CCDC122: variants seen among roughly 807,000 people sequenced by gnomAD.
The protein encoded by CCDC122 is coiled-coil domain containing 122, also known as coiled-coil domain-containing protein 122.
In CCDC122, 38 loss-of-function variants were observed where a neutral mutation model predicts 37.0. The ratio of observed to expected loss-of-function variants is 1.03; its 90% CI spans 0.79 to 1.35. CCDC122 has a LOEUF of 1.35. Ranked by LOEUF, CCDC122 falls within the 40% of genes most tolerant of loss-of-function variation. The probability of loss-of-function intolerance (pLI) is 0.00; values close to 1 mark genes in which losing one functional copy is unlikely to be tolerated. For missense variants in CCDC122, 305 were observed against 310.0 expected (o/e 0.98, Z 0.12); for synonymous variants, 83 against 95.6 (o/e 0.87, Z 0.77).
At chr13:43,857,490 G>A (rs1428510020) in intron 6 of CCDC122, among the ~76,000 whole-genome samples, 1 of 151,192 alleles carries the variant, frequency 6.6e-6, no homozygotes, top group Non-Finnish European at 1.5e-5. Flanking sequence ...GTGCACGTGT[G>A]TATTATGAGG....
intron 3 of CCDC122, among the ~76,000 whole-genome samples, chr13:43,825,769 CA>C (rs58173578): frequency 5.0e-3 from 371 of 73,502 alleles, no homozygotes; most frequent in African/African-American, 0.015. Context: ...GACTCCGTCT[CA>C]AAAAAAAAAA....
intron 6 of CCDC122, among the ~76,000 whole-genome samples, chr13:43,843,974 G>T (rs1191471345): frequency 6.6e-6 from 1 of 151,290 alleles, no homozygotes; most frequent in Non-Finnish European, 1.5e-5. Flanking sequence ...TGGGTTTCTC[G>T]ATTTTATTAC....
In CCDC122 at chr13:43,874,945, C is replaced by T. The variant is rs1954564625; in HGVS notation, c.-199-18G>A. 1 of 152,152 alleles carries T rather than the reference C, an allele frequency of 6.6e-6. No individual in the cohort carries two copies. The highest frequency in any genetic ancestry group is 6.5e-5 in the Admixed American group (1 of 15,274). The allele number at this position is 152,152 out of a possible 1,614,324, so 9.4% of individuals were successfully genotyped here. A position where few individuals can be genotyped will look rare whatever the true frequency, so the allele number is the denominator to read the frequency against. The stretch of plus-strand genomic sequence containing the variant: ...TCAGGGCACTGAAAAAGAAAGAAAA[C>T]AGAGGGTTTGTACTGTTCCTTACCT... On this transcript the variant is annotated intron_variant, in intron 1 of 6. Coordinates refer to ENST00000444614, the MANE Select transcript of CCDC122 (RefSeq NM_144974.5).
chr13:43,857,054 C>G (rs147490006), intron 6 of CCDC122, among the ~76,000 whole-genome samples: 3 of 152,280 alleles, frequency 2.0e-5, no homozygotes, highest in Admixed American at 6.5e-5. Context: ...TCAACATCTC[C>G]CAACTGTAAT....
downstream of CCDC122, among the ~76,000 whole-genome samples, chr13:43,833,458 T>C (rs1470999528): frequency 2.0e-5 from 3 of 152,204 alleles, no homozygotes; most frequent in Non-Finnish European, 4.4e-5. Flanking sequence ...AGTTGACATT[T>C]TGCTGAGCCA....
chr13:43,828,555 TACACAC>T (rs56901535), intron 3 of CCDC122, among the ~76,000 whole-genome samples: 34,994 of 145,954 alleles, frequency 0.24, 4,406 homozygotes, highest in Non-Finnish European at 0.3. Context: ...TATAGACAGA[TACACAC>T]ACACACACAC....
At chr13:43,864,174 CTTT>C (rs1302319618) in intron 4 of CCDC122, among the ~76,000 whole-genome samples, 15 of 152,052 alleles carry the variant, frequency 9.9e-5, no homozygotes, top group African/African-American at 3.6e-4. Flanking sequence ...TTTCTGGGCA[CTTT>C]AGTTTGTTCC....
At chr13:43,855,971 T>C (rs1389424097) in intron 6 of CCDC122, 1 of 152,146 alleles carries the variant, frequency 6.6e-6, no homozygotes, top group African/African-American at 2.4e-5. Context: ...TGCCCATCAG[T>C]GGTAGTCTGG....
chr13:43,839,660 A>G (rs1953279120), intron 6 of CCDC122, among the ~76,000 whole-genome samples: 1 of 152,182 alleles, frequency 6.6e-6, no homozygotes, highest in Admixed American at 6.5e-5. Context: ...CATTTCAGGA[A>G]CTGCTAAGCT....
downstream of CCDC122, among the ~76,000 whole-genome samples, chr13:43,821,670 T>G (rs1952993438): frequency 6.6e-6 from 1 of 152,182 alleles, no homozygotes; most frequent in Non-Finnish European, 1.5e-5. Flanking sequence ...CTTCATTCTT[T>G]CTTATTCTTT....
At chr13:43,865,083 A>G (rs9567290) in intron 4 of CCDC122, among the ~76,000 whole-genome samples, 3,635 of 152,110 alleles carry the variant, frequency 0.024, 109 homozygotes, top group East Asian at 0.14. Flanking sequence ...CCTCCCACAT[A>G]CCTATCCCCA....
chr13:43,850,080 G>T (rs1328387749), intron 6 of CCDC122, among the ~76,000 whole-genome samples: 1 of 152,164 alleles, frequency 6.6e-6, no homozygotes, highest in African/African-American at 2.4e-5. Flanking sequence ...GCCATGTTAG[G>T]AGTAGTAGCA....
chr13:43,843,565 T>C (rs975707357), intron 6 of CCDC122, among the ~76,000 whole-genome samples: 7 of 151,994 alleles, frequency 4.6e-5, no homozygotes, highest in Non-Finnish European at 7.4e-5. Context: ...ATCAGGGTTA[T>C]GTTCACCTCC....
chr13:43,874,558 AAATTGAAG>A (rs1341879208), intron 2 of CCDC122, among the ~76,000 whole-genome samples: 1 of 152,202 alleles, frequency 6.6e-6, no homozygotes, highest in Non-Finnish European at 1.5e-5. Context: ...ATAGCAACAT[AAATTGAAG>A]AACTCTTGGA....
chr13:43,829,391 C>T (rs907152466), intron 3 of CCDC122, among the ~76,000 whole-genome samples: 1 of 152,018 alleles, frequency 6.6e-6, no homozygotes, highest in African/African-American at 2.4e-5. Flanking sequence ...CTGCAACCTC[C>T]GCCTCCCGGG....
intron 6 of CCDC122, among the ~76,000 whole-genome samples, chr13:43,840,846 A>G (rs1325094414): frequency 2.6e-5 from 4 of 151,734 alleles, no homozygotes; most frequent in Non-Finnish European, 4.4e-5. Context: ...ATAAACATAC[A>G]TGTGCATGTG....
chr13:43,874,007 C>A (rs575453445), intron 2 of CCDC122, among the ~76,000 whole-genome samples: 4 of 152,324 alleles, frequency 2.6e-5, no homozygotes, highest in South Asian at 4.1e-4. Context: ...ACGTCAACAT[C>A]ACAGCCAATC....
At chr13:43,857,581 A>C (rs1953959912) in intron 6 of CCDC122, among the ~76,000 whole-genome samples, 2 of 152,000 alleles carry the variant, frequency 1.3e-5, no homozygotes, top group South Asian at 2.1e-4. Flanking sequence ...TCAAGGATGC[A>C]TAATTTCTGG....
chr13:43,844,931 C>T (rs1268410856), intron 6 of CCDC122, among the ~76,000 whole-genome samples: 1 of 152,014 alleles, frequency 6.6e-6, no homozygotes, highest in Non-Finnish European at 1.5e-5. Context: ...AATTTTTTCC[C>T]TTTTAATTGG....
Sources: gnomAD v4.1 joint callset for allele counts (sites outside exome capture counted in the v4.1 genomes callset) on GRCh38, gnomAD v4.1.1 for gene constraint, MANE v1.5 for transcripts, NCBI Gene and HGNC (gene_info 2026-07-23, HGNC 2026-07-21) for gene names.